DPP6: variants seen among roughly 807,000 people sequenced by gnomAD.
DPP6 encodes dipeptidyl peptidase like 6, also known as A-type potassium channel modulatory protein DPP6.
In DPP6, 69 loss-of-function variants were observed where a neutral mutation model predicts 122.6. That is an observed-to-expected ratio of 0.56 (90% CI 0.46 to 0.69). The LOEUF is 0.69. Ranked by LOEUF, DPP6 falls within the 30% of genes least tolerant of loss-of-function variation. The pLI, the probability that DPP6 is intolerant of heterozygous loss-of-function variation, is 0.00. For missense variants in DPP6, 928 were observed against 1,116.9 expected, an observed-to-expected ratio of 0.83 and a Z score of 2.41; for synonymous variants, 418 against 433.1, an observed-to-expected ratio of 0.97 and a Z score of 0.43.
chr7:154,824,301 CAG>C (rs1799999197), intron 16 of DPP6, among the ~76,000 whole-genome samples: 2 of 152,022 alleles, frequency 1.3e-5, no homozygotes, highest in Non-Finnish European at 2.9e-5. Context: ...TGTTTTGAGA[CAG>C]AGTTTCACTT....
rs147793386 is a variant in DPP6, at chr7:154,852,500, G to GCCTCTCCTGCCTCTCCTGCCTCTCCTC, written c.1667-1272_1667-1271insGCCTCTCCTGCCTCTCCTCCCTCTCCT. ...CTCTCCTGCCTCTCCTGCCTCTCCT[G>GCCTCTCCTGCCTCTCCTGCCTCTCCTC]CCTCTCCTCCCTCTCCTCCCTCTCC... is the stretch of plus-strand genomic sequence containing the variant. On this transcript the variant is annotated intron_variant, in intron 16 of 25. Coordinates refer to ENST00000377770, the MANE Select transcript of DPP6 (RefSeq NM_130797.4). Among the ~76,000 whole-genome samples, 413 of 144,022 alleles carry GCCTCTCCTGCCTCTCCTGCCTCTCCTC rather than the reference G, an allele frequency of 2.9e-3. 8 individuals carry two copies. The East Asian group carries it at 0.045, about 16-fold the overall frequency. 94.5% of individuals were successfully genotyped at this position (144,022 alleles called of 152,430 possible).
intron 1 of DPP6, among the ~76,000 whole-genome samples, chr7:154,023,426 G>A (rs1237408453): frequency 6.7e-6 from 1 of 150,182 alleles, no homozygotes; most frequent in African/African-American, 2.5e-5. Flanking sequence ...TCAGCATCAC[G>A]AAAGCCTACA....
intron 23 of DPP6, 118 bp downstream of exon 23, chr7:154,887,852 C>T: frequency 8.3e-7 from 1 of 1,206,110 alleles, no homozygotes; most frequent in Non-Finnish European, 1.2e-6. Context: ...TTCTCCCTCA[C>T]CAGCACCAAA....
intron 1 of DPP6, among the ~76,000 whole-genome samples, chr7:153,913,820 G>A (rs577207363): frequency 1.3e-5 from 2 of 152,170 alleles, no homozygotes; most frequent in Non-Finnish European, 2.9e-5. Context: ...TCTGAGTAAG[G>A]GGGGGAAGAG....
chr7:153,942,953 T>C (rs1801765277), intron 1 of DPP6, among the ~76,000 whole-genome samples: 1 of 152,224 alleles, frequency 6.6e-6, no homozygotes, highest in Non-Finnish European at 1.5e-5. Context: ...GACTTCTCTC[T>C]GATGCATGGT....
chr7:154,678,230 C>T (rs113209692), intron 7 of DPP6, among the ~76,000 whole-genome samples: 18,640 of 152,184 alleles, frequency 0.12, 1,227 homozygotes, highest in African/African-American at 0.17. Flanking sequence ...TGGCCACCGC[C>T]GCCCAACAGC....
chr7:153,761,720 A>G, the DPP6 span, among the ~76,000 whole-genome samples: 1 of 152,206 alleles, frequency 6.6e-6, no homozygotes, highest in Non-Finnish European at 1.5e-5. Context: ...TTATTCAGCA[A>G]GCATCGATCC....
chr7:154,263,609 A>G (rs1416890467), intron 1 of DPP6, among the ~76,000 whole-genome samples: 2 of 152,162 alleles, frequency 1.3e-5, no homozygotes, highest in Non-Finnish European at 2.9e-5. Context: ...ACTTCCTCCT[A>G]CAATATCTCT....
intron 1 of DPP6, among the ~76,000 whole-genome samples, chr7:154,375,598 T>C (rs1813061697): frequency 6.6e-6 from 1 of 152,068 alleles, no homozygotes; most frequent in African/African-American, 2.4e-5. Context: ...GCCAGTGCTT[T>C]TTCTCTGTCT....
intron 12 of DPP6, chr7:154,796,216 A>T: frequency 3.5e-6 from 1 of 286,096 alleles, no homozygotes; most frequent in Non-Finnish European, 6.5e-6. Flanking sequence ...GGCTTAACAT[A>T]ATCTACTATA....
chr7:154,726,419 G>C (rs946719794), intron 7 of DPP6, among the ~76,000 whole-genome samples: 1 of 152,240 alleles, frequency 6.6e-6, no homozygotes. Flanking sequence ...TTAATACCAA[G>C]TGGAAGCCAC....
chr7:154,477,914 A>G (rs938708274), intron 3 of DPP6, among the ~76,000 whole-genome samples: 4 of 152,166 alleles, frequency 2.6e-5, no homozygotes, highest in Admixed American at 2.6e-4. Context: ...GAAGTAACCA[A>G]GTGGTTGGGT....
rs535946117 is a variant in DPP6, at chr7:154,036,904, C to G, written c.51+149170C>G. Among the ~76,000 whole-genome samples, 71 of 152,314 alleles carry G rather than the reference C, an allele frequency of 4.7e-4. No homozygotes were observed. The East Asian group carries it at 0.011, about 24-fold the overall frequency. On this transcript the variant is annotated intron_variant, in intron 1 of 25. Transcript: ENST00000404039. ...GGTGATATTCCCTGGCATCTACAGA[C>G]CCAGCAGGCACACGGTGGGTGAGTG...
chr7:154,466,644 G>A (rs1215757478), intron 2 of DPP6, among the ~76,000 whole-genome samples: 3 of 152,114 alleles, frequency 2.0e-5, no homozygotes, highest in Non-Finnish European at 2.9e-5. Flanking sequence ...CCTTAAAGGC[G>A]CTATCTCCAA....
At chr7:154,880,187 C>T (rs1008285675) in intron 20 of DPP6, among the ~76,000 whole-genome samples, 1 of 152,186 alleles carries the variant, frequency 6.6e-6, no homozygotes, top group Non-Finnish European at 1.5e-5. Context: ...GTCCAGAAAC[C>T]GGAAGGACCC....
At chr7:154,018,584 A>G (rs893890808) in intron 1 of DPP6, among the ~76,000 whole-genome samples, 2 of 152,238 alleles carry the variant, frequency 1.3e-5, no homozygotes, top group Non-Finnish European at 2.9e-5. Context: ...TGGGCTTTTC[A>G]ATAGAGTGGT....
intron 7 of DPP6, among the ~76,000 whole-genome samples, chr7:154,685,298 G>C (rs1231570856): frequency 6.6e-6 from 1 of 152,216 alleles, no homozygotes; most frequent in Admixed American, 6.5e-5. Flanking sequence ...TCAACAGCCT[G>C]GTACACATTT....
chr7:154,307,578 A>G (rs779493683), intron 1 of DPP6, among the ~76,000 whole-genome samples: 13 of 152,148 alleles, frequency 8.5e-5, no homozygotes, highest in Non-Finnish European at 1.5e-4. Context: ...TTTCAAGTGT[A>G]TATACCTTGA....
chr7:154,060,278 C>T (rs1470752164), intron 1 of DPP6, among the ~76,000 whole-genome samples: 1 of 131,598 alleles, frequency 7.6e-6, no homozygotes. Context: ...GAGGCAGGGA[C>T]TGAGAGGCAA....
Sources: gnomAD v4.1 joint callset for allele counts (sites outside exome capture counted in the v4.1 genomes callset) on GRCh38, gnomAD v4.1.1 for gene constraint, MANE v1.5 for transcripts, NCBI Gene and HGNC (gene_info 2026-07-23, HGNC 2026-07-21) for gene names.